GPR176: variants seen among roughly 807,000 people sequenced by gnomAD.
GPR176 encodes the protein G protein-coupled receptor 176.
Under a neutral mutation model 35.4 loss-of-function variants are expected in GPR176, and 26 were observed. That is an observed-to-expected ratio of 0.74 (90% CI 0.54 to 1.02). GPR176 has a LOEUF of 1.02. GPR176 is among the 50% of genes least tolerant of loss of function. The pLI, the probability that GPR176 is intolerant of heterozygous loss-of-function variation, is 0.00. For synonymous variants in GPR176, 278 were observed against 271.3 expected, an observed-to-expected ratio of 1.02 and a Z score of -0.24; for missense variants, 597 against 665.3, an observed-to-expected ratio of 0.90 and a Z score of 1.13.
At chr15:39,855,515 T>A (rs2031157044) in intron 1 of GPR176, among the ~76,000 whole-genome samples, 1 of 152,170 alleles carries the variant, frequency 6.6e-6, no homozygotes, top group Non-Finnish European at 1.5e-5. Context: ...CCTCTTCCTG[T>A]GGGAAGAGTG....
At chr15:39,834,783 G>A (rs1396848822) in intron 1 of GPR176, among the ~76,000 whole-genome samples, 1 of 152,182 alleles carries the variant, frequency 6.6e-6, no homozygotes, top group Non-Finnish European at 1.5e-5. Context: ...GCAGAGGCTG[G>A]TTAGGGCAGT....
intron 1 of GPR176, among the ~76,000 whole-genome samples, chr15:39,866,980 AGAAT>A (rs1250649598): frequency 2.0e-5 from 3 of 152,202 alleles, no homozygotes; most frequent in Admixed American, 2.0e-4. Context: ...AGAGAAGGAA[AGAAT>A]GGAAACCTGA....
intron 1 of GPR176, among the ~76,000 whole-genome samples, chr15:39,896,062 A>T (rs1380267142): frequency 1.3e-5 from 2 of 151,194 alleles, no homozygotes; most frequent in African/African-American, 4.9e-5. Flanking sequence ...TTATATTATT[A>T]TTTTTTTTTA....
intron 1 of GPR176, among the ~76,000 whole-genome samples, chr15:39,835,364 C>A (rs1901332942): frequency 6.6e-6 from 1 of 151,634 alleles, no homozygotes; most frequent in Admixed American, 6.6e-5. Context: ...TATGTACTCA[C>A]AAAAAATAAA....
chr15:39,915,001 G>A (rs544570154), intron 1 of GPR176, among the ~76,000 whole-genome samples: 48 of 152,264 alleles, frequency 3.2e-4, no homozygotes, highest in African/African-American at 9.4e-4. Flanking sequence ...TTAACAAGTC[G>A]ATTTCCCACC....
chr15:39,919,547 T>C (rs1216749045), intron 1 of GPR176, among the ~76,000 whole-genome samples: 1 of 152,220 alleles, frequency 6.6e-6, no homozygotes, highest in African/African-American at 2.4e-5. Flanking sequence ...AAACAAGAGC[T>C]GAAGCCAGCC....
At chr15:39,819,943 T>C (rs1275146133) in intron 1 of GPR176, among the ~76,000 whole-genome samples, 1 of 152,196 alleles carries the variant, frequency 6.6e-6, no homozygotes, top group African/African-American at 2.4e-5. Context: ...TGACATTAAT[T>C]AAAAGCTGAA....
At chr15:39,866,789 C>T (rs1359901871) in intron 1 of GPR176, among the ~76,000 whole-genome samples, 3 of 152,114 alleles carry the variant, frequency 2.0e-5, no homozygotes, top group African/African-American at 7.2e-5. Flanking sequence ...TTTAAATGTA[C>T]TATTTTAAAT....
At chr15:39,915,047 T>C (rs1284965688) in intron 1 of GPR176, among the ~76,000 whole-genome samples, 1 of 152,138 alleles carries the variant, frequency 6.6e-6, no homozygotes, top group Non-Finnish European at 1.5e-5. Context: ...AACCACCTCA[T>C]GGAATCAAGC....
chr15:39,855,965 A>G (rs937877527), intron 1 of GPR176, among the ~76,000 whole-genome samples: 8 of 152,234 alleles, frequency 5.3e-5, no homozygotes, highest in Non-Finnish European at 1.2e-4. Context: ...AGTAGATATC[A>G]TTATTCATTG....
At chr15:39,827,785 T>C (rs1444590989) in intron 1 of GPR176, among the ~76,000 whole-genome samples, 1 of 152,254 alleles carries the variant, frequency 6.6e-6, no homozygotes, top group Non-Finnish European at 1.5e-5. Context: ...TGCATGTACC[T>C]TGCACAATCC....
Position 39,802,210 on chromosome 15 carries a change from G to T in GPR176, c.470C>A (p.Ala157Asp). 2 of 1,613,400 alleles carry T rather than the reference G, an allele frequency of 1.2e-6. No homozygotes were observed. Among genetic ancestry groups the T allele is most frequent in the Non-Finnish European group, 1.7e-6 (2 of 1,179,524 alleles). Residue 157 changes from alanine to aspartate, a missense_variant, in exon 3 of 3, where the codon GCC (alanine) becomes GAC (aspartate). Transcript: ENST00000561100. ...GTACATCACCAGTTCACGGGACTTG[G>T]CATCAGATATTTTCCTCTCCAGTGG... The part of the protein sequence containing the change: ...LYPLERKISD[A>D]KSRELVMYIW...
In GPR176 at chr15:39,822,848, G is replaced by A. The variant is rs369706137; in HGVS notation, c.173-15590C>T. On this transcript the variant is annotated intron_variant, in intron 1 of 2. Coordinates refer to ENST00000561100, the MANE Select transcript of GPR176 (RefSeq NM_007223.3). ...ATTTTTCCCTGATAAGTAGCTGTTG[G>A]AAACACCATAAAAGCCACAGTCAAG... Among the ~76,000 whole-genome samples the A allele has an allele frequency of 3.3e-5, 5 of 152,252 alleles. 1 individual carries two copies. The highest frequency in any genetic ancestry group is 1.9e-4 in the East Asian group (1 of 5,188).
chr15:39,888,706 C>T (rs1383235798), intron 1 of GPR176, among the ~76,000 whole-genome samples: 1 of 152,166 alleles, frequency 6.6e-6, no homozygotes, highest in African/African-American at 2.4e-5. Flanking sequence ...TCTTTCTCTC[C>T]AGAGTTCTAC....
intron 1 of GPR176, among the ~76,000 whole-genome samples, chr15:39,839,533 A>C (rs1267716474): frequency 6.6e-6 from 1 of 152,200 alleles, no homozygotes; most frequent in Non-Finnish European, 1.5e-5. Flanking sequence ...CCCTAGAAGA[A>C]AACCTAGGCA....
At chr15:39,898,679 T>C (rs960317777) in intron 1 of GPR176, among the ~76,000 whole-genome samples, 5 of 152,086 alleles carry the variant, frequency 3.3e-5, no homozygotes, top group Non-Finnish European at 4.4e-5. Context: ...GTAGGGGATG[T>C]CACTACAAGA....
intron 1 of GPR176, among the ~76,000 whole-genome samples, chr15:39,912,633 C>CGAAAA (rs2033611567): frequency 6.8e-6 from 1 of 146,152 alleles, no homozygotes; most frequent in African/African-American, 2.5e-5. Context: ...AAAAAAAAAA[C>CGAAAA]GAAAAGAAAA....
At chr15:39,841,445 T>TA (rs1209227818) in intron 1 of GPR176, among the ~76,000 whole-genome samples, 2 of 149,228 alleles carry the variant, frequency 1.3e-5, no homozygotes, top group African/African-American at 4.9e-5. Context: ...CCTAATCCAA[T>TA]ATGACTGGTG....
At chr15:39,852,071 C>T (rs886818660) in intron 1 of GPR176, among the ~76,000 whole-genome samples, 3 of 152,156 alleles carry the variant, frequency 2.0e-5, no homozygotes, top group Non-Finnish European at 4.4e-5. Flanking sequence ...CTACATATCC[C>T]TTTCTTTCAC....
Sources: allele counts gnomAD v4.1 joint callset (sites outside exome capture counted in the v4.1 genomes callset), GRCh38; gene constraint gnomAD v4.1.1; transcripts MANE v1.5; gene names NCBI Gene and HGNC (gene_info 2026-07-23, HGNC 2026-07-21).